TMEM138: variants seen among roughly 807,000 people sequenced by gnomAD.
TMEM138 encodes the protein transmembrane protein 138.
Under a neutral mutation model 18.1 loss-of-function variants are expected in TMEM138, and 9 were observed. That is an observed-to-expected ratio of 0.50 (90% CI 0.30 to 0.87). The LOEUF (loss-of-function observed/expected upper bound fraction) is 0.87, where lower values mean the gene tolerates loss of function less well. Ranked by LOEUF, TMEM138 falls within the 40% of genes least tolerant of loss-of-function variation. TMEM138 has a pLI of 0.06. For synonymous variants in TMEM138, 79 were observed against 74.8 expected (o/e 1.06, Z -0.29); for missense variants, 189 against 190.6 (o/e 0.99, Z 0.05).
At chr11:61,367,146 T>A (rs542625842) in intron 3 of TMEM138, 1 of 152,288 alleles carries the variant, frequency 6.6e-6, no homozygotes, top group African/African-American at 2.4e-5. Flanking sequence ...TGCCCTTGAG[T>A]GCTCCATGCC....
At position 61,369,233 on chromosome 11, in the gene TMEM138, C is replaced by G. The variant is rs1242700529; in HGVS notation, c.*524C>G. The G allele has an allele frequency of 6.5e-6, 1 of 154,842 alleles. No individual in the cohort carries two copies. The highest frequency in any genetic ancestry group is 1.9e-4 in the East Asian group (1 of 5,318). The allele number at this position is 154,842 out of a possible 1,614,324, so 9.6% of individuals were successfully genotyped here. ...TAAATGGGGGAGTCTGTCTGTCTAG[C>G]TAGATCTCTTCATGTTAAGAGGCGT... is the stretch of plus-strand genomic sequence containing the variant. On this transcript the variant is annotated 3_prime_UTR_variant, in exon 5 of 5. Transcript: ENST00000278826.
Position 61,364,535 on chromosome 11 carries a change from A to G in TMEM138, c.128+17A>G, listed in dbSNP as rs200639470. 6.2e-7 allele frequency: 1 copy of G among 1,613,684 alleles called. No individual in the cohort carries two copies. Among genetic ancestry groups the G allele is most frequent in the East Asian group, 2.2e-5 (1 of 44,870 alleles). ...GCTCTTCATGTGCGTGCAGTAAGGC[A>G]CTCTGGAAAGCTGAACCCACGCAAT... On this transcript the variant is annotated intron_variant, in intron 2 of 4. Transcript: ENST00000278826.
chr11:61,373,410 A>T (rs1262816792), downstream of TMEM138, among the ~76,000 whole-genome samples: 1 of 152,206 alleles, frequency 6.6e-6, no homozygotes, highest in Non-Finnish European at 1.5e-5. Context: ...AAAGTTATAA[A>T]GGCTTATGGA....
In TMEM138 at chr11:61,364,244, T is replaced by G. The variant is rs1590623711; in HGVS notation, c.-139-8T>G. 1.1e-6 allele frequency: 1 copy of G among 913,990 alleles called. No individual in the cohort carries two copies. The highest frequency in any genetic ancestry group is 2.5e-5 in the East Asian group (1 of 40,246). 56.6% of individuals were successfully genotyped at this position (913,990 alleles called of 1,614,324 possible). A position where few individuals can be genotyped will look rare whatever the true frequency, so the allele number is the denominator to read the frequency against. On this transcript the variant is annotated splice_polypyrimidine_tract_variant and splice_region_variant and intron_variant, in intron 1 of 4. Coordinates refer to ENST00000278826, the MANE Select transcript of TMEM138 (RefSeq NM_016464.5). Reference sequence around the variant, plus strand: ...TTTCTAACCTTGCTTATCTTTTTGCTCCAACAGGTGCTTGCCTTAGAGCAA... The same window carrying G: ...TTTCTAACCTTGCTTATCTTTTTGCGCCAACAGGTGCTTGCCTTAGAGCAA...
chr11:61,371,933 T>C (rs1383747267), downstream of TMEM138, among the ~76,000 whole-genome samples: 2 of 152,090 alleles, frequency 1.3e-5, no homozygotes, highest in East Asian at 3.9e-4. Context: ...TCCCAGCACT[T>C]TGGGAGGTCG....
In TMEM138 at chr11:61,368,659, T is replaced by C. The variant is rs1858245269; in HGVS notation, c.439T>C (p.Tyr147His). 2.5e-6 allele frequency: 4 copies of C among 1,614,164 alleles called. No individual in the cohort carries two copies. Among genetic ancestry groups the C allele is most frequent in the Middle Eastern group, 1.7e-4 (1 of 6,044 alleles). ...TAVRLGDPHF[Y>H]QDSLWLRKEF... ...CGTAAGACTAGGCGATCCTCACTTC[T>C]ACCAGGACTCTTTGTGGCTGCGCAA... Residue 147 changes from tyrosine (Y) to histidine (H), a missense_variant, in exon 5 of 5, where the codon TAC becomes CAC. Tyr to His is a moderately conservative substitution (Grantham distance 83). Coordinates refer to ENST00000278826, the MANE Select transcript of TMEM138 (RefSeq NM_016464.5).
At chr11:61,362,877 G>A (rs1224726922) in intron 1 of TMEM138, 1 of 152,202 alleles carries the variant, frequency 6.6e-6, no homozygotes, top group Non-Finnish European at 1.5e-5. Context: ...TTGTAGGGAG[G>A]ATTAAAGGAA....
chr11:61,375,637 C>T (rs529886755), downstream of TMEM138, among the ~76,000 whole-genome samples: 47 of 152,278 alleles, frequency 3.1e-4, no homozygotes, highest in Non-Finnish European at 5.9e-4. Context: ...GTATTCTTAA[C>T]TTATGACAAT....
In TMEM138 at chr11:61,368,681, G is replaced by T. The variant is rs147966742; in HGVS notation, c.461G>T (p.Arg154Leu). The T allele has an allele frequency of 6.2e-7, 1 of 1,613,926 alleles. No individual in the cohort carries two copies. The highest frequency in any genetic ancestry group is 1.1e-5 in the South Asian group (1 of 91,080). Residue 154 changes from arginine to leucine, a missense_variant, in exon 5 of 5, where the codon CGC (arginine) becomes CTC (leucine). Transcript: ENST00000278826. Reference protein sequence around the residue: ...PHFYQDSLWLRKEFMQVRR With the variant: ...PHFYQDSLWLLKEFMQVRR ...TTCTACCAGGACTCTTTGTGGCTGCGCAAGGAGTTCATGCAAGTTCGAAGG... is the reference window on the plus strand; with the variant it reads ...TTCTACCAGGACTCTTTGTGGCTGCTCAAGGAGTTCATGCAAGTTCGAAGG...
rs202210746 is a variant in TMEM138 at position 61,367,929 on chromosome 11, C to T, written c.307C>T (p.Arg103Cys). Residue 103 changes from arginine to cysteine, a missense_variant, in exon 4 of 5, where the codon CGC becomes TGC. Transcript: ENST00000278826. ...TATCTCACATCTCCTTCAGAACTTACGCTGGAAAAACTCCAACAGCTTCAT... is the reference window on the plus strand; with the variant it reads ...TATCTCACATCTCCTTCAGAACTTATGCTGGAAAAACTCCAACAGCTTCAT... ...ISLHVWVMNL[R>C]WKNSNSFIWT... 6.3e-5 allele frequency: 101 copies of T among 1,610,648 alleles called. No homozygotes were observed. Among genetic ancestry groups the T allele is most frequent in the Admixed American group, 1.8e-4 (11 of 60,010 alleles).
At chr11:61,372,502 G>C (rs1223190010), downstream of TMEM138, among the ~76,000 whole-genome samples, 3 of 143,766 alleles carry the variant, frequency 2.1e-5, no homozygotes, top group African/African-American at 7.8e-5. Flanking sequence ...AAAAAAAAAA[G>C]CTGGGTGCGG....
chr11:61,368,974 C>T lies in TMEM138; in HGVS notation c.*265C>T. 2.5e-6 allele frequency: 1 copy of T among 406,620 alleles called. No individual in the cohort carries two copies. Among genetic ancestry groups the T allele is most frequent in the South Asian group, 2.9e-5 (1 of 34,112 alleles). 25.2% of individuals were successfully genotyped at this position (406,620 alleles called of 1,614,324 possible). A position where few individuals can be genotyped will look rare whatever the true frequency, so the allele number is the denominator to read the frequency against. On this transcript the variant is annotated 3_prime_UTR_variant, in exon 5 of 5. Coordinates refer to ENST00000278826, the MANE Select transcript of TMEM138 (RefSeq NM_016464.5). ...TTTCCTCTCTGTACCATTCATTCTCCCTGACCGGCCTTTCTTGCCGAGGGT... is the reference window on the plus strand; with the variant it reads ...TTTCCTCTCTGTACCATTCATTCTCTCTGACCGGCCTTTCTTGCCGAGGGT...
Position 61,364,438 on chromosome 11 carries a change from G to A in TMEM138, c.48G>A (p.Leu16=). The change falls in exon 2 of 5, where the codon CTG becomes CTA. Residue 16 remains leucine, a synonymous_variant. Coordinates refer to ENST00000278826, the MANE Select transcript of TMEM138 (RefSeq NM_016464.5). The part of the protein sequence containing the change: ...NYSLVLSLQF[L]LLSYDLFVNS... ...GCCTGGTGCTCTCTCTGCAGTTCCT[G>A]CTGCTGTCCTATGACCTCTTTGTCA... is the stretch of plus-strand genomic sequence containing the variant. 1.2e-6 allele frequency: 2 copies of A among 1,614,210 alleles called. No homozygotes were observed. The highest frequency in any genetic ancestry group is 1.7e-6 in the Non-Finnish European group (2 of 1,180,038).
chr11:61,376,632 C>A (rs1327833457), downstream of TMEM138, among the ~76,000 whole-genome samples: 1 of 152,102 alleles, frequency 6.6e-6, no homozygotes. Context: ...ATAACAGCAA[C>A]CTATTTACAT....
chr11:61,364,144 C>T (rs1006579063), intron 1 of TMEM138, 108 bp from the exon 2 acceptor site: 3 of 353,616 alleles, frequency 8.5e-6, no homozygotes, highest in Non-Finnish European at 1.5e-5. Context: ...GTTTTGTTCA[C>T]TAAAGTATCC....
rs917404097 is a variant in TMEM138 at position 61,364,523 on chromosome 11, G to A, written c.128+5G>A. On this transcript the variant is annotated splice_donor_5th_base_variant and intron_variant, in intron 2 of 4. Transcript: ENST00000278826. ...CATCCAGCTTGTGCTCTTCATGTGC[G>A]TGCAGTAAGGCACTCTGGAAAGCTG... The A allele has an allele frequency of 2.2e-5, 36 of 1,613,824 alleles. No homozygotes were observed. The highest frequency in any genetic ancestry group is 4.0e-5 in the African/African-American group (3 of 74,932).
Position 61,369,032 on chromosome 11 carries a change from T to G in TMEM138, c.*323T>G, listed in dbSNP as rs1432097754. 3 of 282,620 alleles carry G rather than the reference T, an allele frequency of 1.1e-5. No individual in the cohort carries two copies. The highest frequency in any genetic ancestry group is 2.1e-5 in the Non-Finnish European group (3 of 145,524). 17.5% of individuals were successfully genotyped at this position (282,620 alleles called of 1,614,324 possible). The stretch of plus-strand genomic sequence containing the variant: ...CTCTTACCCTTGTGAAGCTTTTCCT[T>G]TAGCCTGGGACAGAAGGACCTCCCA... On this transcript the variant is annotated 3_prime_UTR_variant, in exon 5 of 5. Transcript: ENST00000278826.
Position 61,365,151 on chromosome 11 carries a change from G to A in TMEM138, c.128+633G>A, listed in dbSNP as rs1858095307. Among the ~76,000 whole-genome samples, 4 of 150,502 alleles carry A rather than the reference G, an allele frequency of 2.7e-5. No individual in the cohort carries two copies. The South Asian group carries it at 8.4e-4, about 32-fold the overall frequency. On this transcript the variant is annotated intron_variant, in intron 2 of 4. Transcript: ENST00000278826. ...TGCAGTGAGCCATGATCATGCCACT[G>A]CACTCCAGCCTGGGCGACAGAACAA... is the stretch of plus-strand genomic sequence containing the variant.
chr11:61,372,483 CAA>C (rs555340626), downstream of TMEM138, among the ~76,000 whole-genome samples: 3,065 of 84,586 alleles, frequency 0.036, 120 homozygotes, highest in African/African-American at 0.099. Flanking sequence ...CATTCTTTCT[CAA>C]AAAAAAAAAA....
Sources: gnomAD v4.1 joint callset for allele counts (sites outside exome capture counted in the v4.1 genomes callset) on GRCh38, gnomAD v4.1.1 for gene constraint, MANE v1.5 for transcripts, NCBI Gene and HGNC (gene_info 2026-07-23, HGNC 2026-07-21) for gene names.